Variants in ZMYM5 observed in about 807,000 individuals in gnomAD.
ZMYM5 encodes the protein zinc finger MYM-type containing 5.
ZMYM5 carries 41 observed loss-of-function variants against 61.8 expected under a neutral mutation model. The ratio of observed to expected loss-of-function variants is 0.66; its 90% confidence interval spans 0.52 to 0.86. ZMYM5 has a LOEUF of 0.86. Ranked by LOEUF, ZMYM5 falls within the 40% of genes least tolerant of loss-of-function variation. ZMYM5 has a pLI of 0.00. For missense variants in ZMYM5, 706 were observed against 786.7 expected (o/e 0.90, Z 1.23); for synonymous variants, 257 against 276.4 (o/e 0.93, Z 0.70).
intron 4 of ZMYM5, among the ~76,000 whole-genome samples, chr13:19,845,506 A>G (rs1029622977): frequency 1.7e-4 from 26 of 152,206 alleles, no homozygotes; most frequent in African/African-American, 6.0e-4. Flanking sequence ...CAGAGTTAGC[A>G]TGAGACCCCA....
chr13:19,840,229 G>C (rs1362243585), intron 4 of ZMYM5, among the ~76,000 whole-genome samples: 1 of 152,166 alleles, frequency 6.6e-6, no homozygotes, highest in African/African-American at 2.4e-5. Flanking sequence ...CTTGAGGCCA[G>C]AGGTTTAAGA....
In ZMYM5 at chr13:19,837,763, G is replaced by T; in HGVS notation, c.931C>A (p.Gln311Lys). The T allele has an allele frequency of 1.3e-6, 2 of 1,586,712 alleles. No homozygotes were observed. Among genetic ancestry groups the T allele is most frequent in the Non-Finnish European group, 1.7e-6 (2 of 1,173,662 alleles). Residue 311 changes from glutamine (Q) to lysine (K), a missense_variant, in exon 6 of 8, where the codon CAA becomes AAA. This residue lies in a region of ZMYM5 where 480 missense variants were observed against 461.7 expected (regional missense o/e 1.04). Transcript: ENST00000337963. ...ILPVESSKSF[Q>K]EFYSTSCLSP... ...AAACAAGATGTACTATAAAATTCTT[G>T]GAAGGATTTGCTTGATTCTACTGGA...
chr13:19,835,216 A>G (rs1470353982), intron 7 of ZMYM5, among the ~76,000 whole-genome samples: 2 of 152,108 alleles, frequency 1.3e-5, no homozygotes, highest in Non-Finnish European at 2.9e-5. Context: ...GATGGTCTCA[A>G]GCTCCTGAGC....
chr13:19,858,921 G>T (rs987796622), intron 2 of ZMYM5, among the ~76,000 whole-genome samples: 2 of 152,126 alleles, frequency 1.3e-5, no homozygotes, highest in African/African-American at 4.8e-5. Context: ...ATGGTGACAG[G>T]CCTTTCCCCA....
At chr13:19,839,825 T>C (rs1169591506) in intron 4 of ZMYM5, among the ~76,000 whole-genome samples, 1 of 152,220 alleles carries the variant, frequency 6.6e-6, no homozygotes, top group Non-Finnish European at 1.5e-5. Flanking sequence ...TTCCCAGCCT[T>C]CTAAAATATT....
At chr13:19,845,432 A>T (rs1566099017) in intron 4 of ZMYM5, among the ~76,000 whole-genome samples, 1 of 152,208 alleles carries the variant, frequency 6.6e-6, no homozygotes, top group African/African-American at 2.4e-5. Context: ...GGTCACCTTC[A>T]CTTATGAATG....
intron 2 of ZMYM5, 61 bp from the exon 3 acceptor site, chr13:19,852,251 C>T: frequency 6.9e-7 from 1 of 1,440,516 alleles, no homozygotes; most frequent in East Asian, 2.4e-5. Context: ...CATTTTACTA[C>T]AATAAAATAG....
intron 6 of ZMYM5, among the ~76,000 whole-genome samples, chr13:19,837,266 G>A (rs1324328875): frequency 6.6e-6 from 1 of 152,048 alleles, no homozygotes; most frequent in Non-Finnish European, 1.5e-5. Context: ...ATATCCACCT[G>A]CCTCGGCCTC....
At chr13:19,862,061 A>G (rs1391869672) in intron 2 of ZMYM5, among the ~76,000 whole-genome samples, 1 of 152,208 alleles carries the variant, frequency 6.6e-6, no homozygotes, top group African/African-American at 2.4e-5. Context: ...TCAAAACAAC[A>G]GATTATTCAG....
intron 7 of ZMYM5, among the ~76,000 whole-genome samples, chr13:19,829,642 G>A (rs1198580995): frequency 1.3e-5 from 2 of 151,992 alleles, no homozygotes; most frequent in African/African-American, 4.8e-5. Flanking sequence ...GGAGTACAGT[G>A]GCTATTCACA....
chr13:19,845,319 T>A (rs953631032), intron 4 of ZMYM5, among the ~76,000 whole-genome samples: 13 of 152,176 alleles, frequency 8.5e-5, no homozygotes, highest in African/African-American at 3.1e-4. Flanking sequence ...AATACCAAGA[T>A]TTATTGCTTT....
chr13:19,847,655 T>C (rs1437014544), intron 4 of ZMYM5, among the ~76,000 whole-genome samples: 1 of 151,564 alleles, frequency 6.6e-6, no homozygotes, highest in Non-Finnish European at 1.5e-5. Flanking sequence ...TTTTTTTTTT[T>C]TCTGTGAGAT....
chr13:19,826,042 T>A lies in ZMYM5; in HGVS notation c.1252-807A>T, dbSNP rs554208371. ...GCCTGGGCAACAGAGCAAGACTCCATGCTTAAAAAAAAAAAAAAAAAAAGA... is the reference window on the plus strand; with the variant it reads ...GCCTGGGCAACAGAGCAAGACTCCAAGCTTAAAAAAAAAAAAAAAAAAAGA... On this transcript the variant is annotated intron_variant, in intron 7 of 7. Transcript: ENST00000337963. 0.015 allele frequency among the ~76,000 whole-genome samples: 484 copies of A among 33,168 alleles called. 3 individuals carry two copies. The South Asian group carries it at 0.15, about 10-fold the overall frequency. The allele number at this position is 33,168 out of a possible 152,430, so 21.8% of individuals were successfully genotyped here.
At chr13:19,825,425 AT>A (rs1566082728) in intron 7 of ZMYM5, among the ~76,000 whole-genome samples, 190 bp from the exon 8 acceptor site, 1 of 151,998 alleles carries the variant, frequency 6.6e-6, no homozygotes, top group Non-Finnish European at 1.5e-5. Flanking sequence ...TGGATGGATC[AT>A]TTGAGGTCAG....
intron 7 of ZMYM5, among the ~76,000 whole-genome samples, chr13:19,826,572 T>C (rs897471834): frequency 6.6e-6 from 1 of 151,648 alleles, no homozygotes; most frequent in Non-Finnish European, 1.5e-5. Context: ...CTAACCAAGA[T>C]GGTGAAAACC....
At chr13:19,854,691 TTATTCTTAA>T (rs1312716302) in intron 2 of ZMYM5, among the ~76,000 whole-genome samples, 1 of 151,874 alleles carries the variant, frequency 6.6e-6, no homozygotes, top group Non-Finnish European at 1.5e-5. Flanking sequence ...TAGGTAACAT[TTATTCTTAA>T]TATGTATTAT....
At chr13:19,853,547 C>T (rs1953389466) in intron 2 of ZMYM5, among the ~76,000 whole-genome samples, 1 of 151,776 alleles carries the variant, frequency 6.6e-6, no homozygotes, top group African/African-American at 2.4e-5. Flanking sequence ...CCCACCTGGA[C>T]CTTTCAAAGT....
At chr13:19,826,283 C>T (rs1362484845) in intron 7 of ZMYM5, among the ~76,000 whole-genome samples, 4 of 150,790 alleles carry the variant, frequency 2.7e-5, no homozygotes, top group Non-Finnish European at 4.4e-5. Context: ...ACCTGGGAGG[C>T]GGAGGTTGCA....
intron 4 of ZMYM5, among the ~76,000 whole-genome samples, chr13:19,847,240 C>T (rs1376451604): frequency 6.6e-5 from 10 of 152,236 alleles, no homozygotes; most frequent in East Asian, 5.8e-4. Context: ...TGAGCCACTG[C>T]GCCTGGTGAT....
Sources: allele counts gnomAD v4.1 joint callset (sites outside exome capture counted in the v4.1 genomes callset), GRCh38; gene constraint gnomAD v4.1.1; regional missense constraint gnomAD v4.1.1; transcripts MANE v1.5; gene names NCBI Gene and HGNC (gene_info 2026-07-23, HGNC 2026-07-21).